Variants in MDGA1 observed in about 807,000 individuals in gnomAD.
The protein encoded by MDGA1 is MAM domain-containing glycosylphosphatidylinositol anchor protein 1.
In MDGA1, 54 loss-of-function variants were observed where a neutral mutation model predicts 101.5. That is an observed-to-expected ratio of 0.53 (90% confidence interval 0.43 to 0.67). The LOEUF (loss-of-function observed/expected upper bound fraction) is 0.67, where lower values mean the gene tolerates loss of function less well. Among genes scored for constraint, MDGA1 ranks in the 30% least tolerant of loss-of-function variants. The pLI is 0.00. For missense variants in MDGA1, 1,083 were observed against 1,323.8 expected (o/e 0.82, Z 2.82); for synonymous variants, 533 against 558.3 (o/e 0.95, Z 0.64).
chr6:37,672,432 C>A (rs893975001), intron 1 of MDGA1, among the ~76,000 whole-genome samples: 1 of 152,104 alleles, frequency 6.6e-6, no homozygotes, highest in African/African-American at 2.4e-5. Flanking sequence ...GAGCAAGACC[C>A]CTATCAAAAA....
chr6:37,674,585 G>T (rs1454148633), intron 1 of MDGA1, among the ~76,000 whole-genome samples: 1 of 152,218 alleles, frequency 6.6e-6, no homozygotes, highest in African/African-American at 2.4e-5. Context: ...AGTGGCAGGT[G>T]ATGCTCATAG....
At chr6:37,676,144 G>A (rs1232217260) in intron 1 of MDGA1, among the ~76,000 whole-genome samples, 25 of 152,214 alleles carry the variant, frequency 1.6e-4, no homozygotes, top group Admixed American at 1.6e-3. Flanking sequence ...GAGTGTGTCT[G>A]CTCTGAGAAG....
chr6:37,650,478 C>A, intron 7 of MDGA1, 73 bp from the exon 8 acceptor site: 1 of 1,390,200 alleles, frequency 7.2e-7, no homozygotes, highest in Non-Finnish European at 9.4e-7. Flanking sequence ...TGCCTTCTGG[C>A]TCCTGCTTAC....
chr6:37,638,435 C>G lies in MDGA1; in HGVS notation c.2667+102G>C. 6.4e-7 allele frequency: 1 copy of G among 1,566,140 alleles called. No individual in the cohort carries two copies. On this transcript the variant is annotated intron_variant, in intron 15 of 16. Transcript: ENST00000434837. This position sits in a 1 kb window ranked among gnomAD's most constrained non-coding sequence, Gnocchi z 4.8. ...GAAGTTCCCCCTAACCTGACTCTTT[C>G]CATCCTTAGCCCCCAGGAAGAAGGA...
chr6:37,681,469 A>AG (rs1762096448), intron 1 of MDGA1, among the ~76,000 whole-genome samples: 1 of 152,132 alleles, frequency 6.6e-6, no homozygotes, highest in Non-Finnish European at 1.5e-5. Flanking sequence ...GGCCATCTGG[A>AG]GGGGCAGCGA....
intron 2 of MDGA1, among the ~76,000 whole-genome samples, chr6:37,663,330 A>G (rs1581607804): frequency 6.6e-6 from 1 of 152,200 alleles, no homozygotes; most frequent in Admixed American, 6.5e-5. Flanking sequence ...TTTGAACCTC[A>G]AGGGTGTGAA....
At position 37,697,070 on chromosome 6, in the gene MDGA1, G is replaced by C; in HGVS notation, c.-259C>G. 1 of 359,358 alleles carries C rather than the reference G, an allele frequency of 2.8e-6. No homozygotes were observed. The highest frequency in any genetic ancestry group is 4.9e-6 in the Non-Finnish European group (1 of 203,238). The allele number at this position is 359,358 out of a possible 1,614,324, so 22.3% of individuals were successfully genotyped here. A position where few individuals can be genotyped will look rare whatever the true frequency, so the allele number is the denominator to read the frequency against. On this transcript the variant is annotated 5_prime_UTR_variant, in exon 1 of 17. Transcript: ENST00000434837. Reference sequence around the variant, plus strand: ...GTGCCTCGGCGCGCCCGGCACAGCAGCCAGCGCCCCGACCCGAGGAGCCCG... The same window carrying C: ...GTGCCTCGGCGCGCCCGGCACAGCACCCAGCGCCCCGACCCGAGGAGCCCG...
At chr6:37,672,277 C>G (rs1487392105) in intron 1 of MDGA1, among the ~76,000 whole-genome samples, 1 of 151,158 alleles carries the variant, frequency 6.6e-6, no homozygotes, top group East Asian at 1.9e-4. Context: ...ATAGCAAGAC[C>G]CCATCTCTAA....
intron 1 of MDGA1, 76 bp from the exon 2 acceptor site, chr6:37,664,182 G>A: frequency 1.3e-6 from 2 of 1,572,214 alleles, no homozygotes; most frequent in South Asian, 2.3e-5. Flanking sequence ...TCCCTCCTGA[G>A]TGTATCTGGG....
chr6:37,664,268 G>C, intron 1 of MDGA1, 162 bp from the exon 2 acceptor site: 1 of 811,944 alleles, frequency 1.2e-6, no homozygotes, highest in Non-Finnish European at 1.9e-6. Context: ...ATCCTCCCAG[G>C]ACCTCTAGGA....
chr6:37,667,055 C>T (rs1018566127), intron 1 of MDGA1, among the ~76,000 whole-genome samples: 18 of 152,316 alleles, frequency 1.2e-4, no homozygotes, highest in African/African-American at 3.6e-4. Context: ...ATGTGTTTTA[C>T]AGATGCTGCA....
At chr6:37,694,729 C>A (rs1762381829) in intron 1 of MDGA1, among the ~76,000 whole-genome samples, 1 of 152,116 alleles carries the variant, frequency 6.6e-6, no homozygotes, top group Non-Finnish European at 1.5e-5. Context: ...TTTTACCCAG[C>A]AATTTCCCTG....
At chr6:37,645,912 T>C (rs1392474733) in intron 12 of MDGA1, 21 bp downstream of exon 12, 41 of 1,613,760 alleles carry the variant, frequency 2.5e-5, no homozygotes, top group Non-Finnish European at 3.5e-5. Context: ...GGGGAAGTCA[T>C]GGGTGACTGG....
chr6:37,668,578 T>C (rs9296229), intron 1 of MDGA1, among the ~76,000 whole-genome samples: 41,992 of 152,044 alleles, frequency 0.28, 6,318 homozygotes, highest in African/African-American at 0.38. Context: ...CCCCGTTAAG[T>C]GAAAAAGGTG....
intron 1 of MDGA1, among the ~76,000 whole-genome samples, chr6:37,671,746 A>C (rs1761873175): frequency 1.3e-5 from 2 of 152,198 alleles, no homozygotes; most frequent in Admixed American, 1.3e-4. Context: ...ATCCCCCATA[A>C]GAGAATCCAT....
chr6:37,678,394 C>T (rs1762025521), intron 1 of MDGA1, among the ~76,000 whole-genome samples: 1 of 152,268 alleles, frequency 6.6e-6, no homozygotes, highest in South Asian at 2.1e-4. Context: ...TGGCTTGTGA[C>T]AGCAGCCTCC....
chr6:37,659,526 T>C (rs183970475), intron 2 of MDGA1, among the ~76,000 whole-genome samples: 10 of 152,252 alleles, frequency 6.6e-5, no homozygotes, highest in Admixed American at 5.2e-4. Context: ...AACAGATCAG[T>C]TCTAGATAAC....
At chr6:37,646,399 G>C (rs768852464) in intron 10 of MDGA1, 24 bp from the exon 11 acceptor site, 1 of 1,440,794 alleles carries the variant, frequency 6.9e-7, no homozygotes, top group South Asian at 1.6e-5. Flanking sequence ...AGAGTTCCCA[G>C]ATGCCTAGGA....
intron 12 of MDGA1, among the ~76,000 whole-genome samples, chr6:37,645,241 A>G (rs1322419462): frequency 2.6e-5 from 4 of 152,222 alleles, no homozygotes; most frequent in Non-Finnish European, 4.4e-5. Flanking sequence ...TGGAAAATAA[A>G]GAAATAATTG....
Sources: allele counts gnomAD v4.1 joint callset (sites outside exome capture counted in the v4.1 genomes callset), GRCh38; gene constraint gnomAD v4.1.1; non-coding constraint Gnocchi (gnomAD v3.1); transcripts MANE v1.5; gene names NCBI Gene and HGNC (gene_info 2026-07-23, HGNC 2026-07-21).